SNX32: variants seen among roughly 807,000 people sequenced by gnomAD.
SNX32 encodes the protein sorting nexin-32.
Under a neutral mutation model 57.0 loss-of-function variants are expected in SNX32, and 58 were observed. The observed-to-expected ratio is 1.02, with a 90% CI of 0.82 to 1.27. The LOEUF (loss-of-function observed/expected upper bound fraction) is 1.27. Among genes scored for constraint, SNX32 ranks in the 50% most tolerant of loss-of-function variants. SNX32 has a pLI of 0.00. For missense variants in SNX32, 589 were observed against 541.2 expected (o/e 1.09, Z -0.88); for synonymous variants, 262 against 220.4 (o/e 1.19, Z -1.67).
chr11:65,844,382 T>C (rs1858929113), intron 1 of SNX32, among the ~76,000 whole-genome samples: 1 of 151,978 alleles, frequency 6.6e-6, no homozygotes, highest in Non-Finnish European at 1.5e-5. Context: ...TCCAGAGGAT[T>C]GCCTGAGCCC....
At chr11:65,839,684 G>A (rs1458213437) in intron 1 of SNX32, among the ~76,000 whole-genome samples, 1 of 147,806 alleles carries the variant, frequency 6.8e-6, no homozygotes, top group African/African-American at 2.5e-5. Flanking sequence ...TGTGAACCAT[G>A]ATCACACCAC....
intron 1 of SNX32, among the ~76,000 whole-genome samples, chr11:65,845,528 G>A (rs1186360328): frequency 1.3e-5 from 2 of 151,156 alleles, no homozygotes; most frequent in African/African-American, 4.9e-5. Context: ...CCTGAGGTCA[G>A]GAGTTTGAGA....
rs147615662 is a variant in SNX32, at chr11:65,851,148, C to T, written c.697C>T (p.Arg233Cys). 105 of 1,612,422 alleles carry T rather than the reference C, an allele frequency of 6.5e-5. No homozygotes were observed. In the African/African-American group the frequency reaches 1.0e-3, roughly 15 times the overall value. ...DACLRADRVM[R>C]AHKCLADDYI... ...CTGCCTGCGGGCCGACCGCGTCATGCGCGCCCACAAGTGTACGCAGGGCCC... is the reference window on the plus strand; with the variant it reads ...CTGCCTGCGGGCCGACCGCGTCATGTGCGCCCACAAGTGTACGCAGGGCCC... Residue 233 changes from arginine (R) to cysteine (C), a missense_variant, in exon 7 of 13, where the codon CGC becomes TGC. Transcript: ENST00000308342.
chr11:65,851,542 GA>G, intron 8 of SNX32, 97 bp from the exon 9 acceptor site: 1 of 1,544,316 alleles, frequency 6.5e-7, no homozygotes, highest in Non-Finnish European at 8.9e-7. Flanking sequence ...TGTTGGGAAG[GA>G]AAGGGGAGAG....
Position 65,850,540 on chromosome 11 carries a change from G to T in SNX32, c.484G>T (p.Glu162Ter), listed in dbSNP as rs777555070. The change falls in exon 5 of 13, where the codon GAA becomes TAA. Residue 162 changes from glutamate (E) to a stop codon, truncating the protein, a stop_gained. Transcript: ENST00000308342. LOFTEE classifies it high-confidence loss of function. ...AGACCACAACTTCTTTGTGTTTTTG[G>T]AATATGGACAGGATGTGAGCTGGGC... ...RRDHNFFVFL[E>*]YGQDLSVRGK... 20 of 1,610,218 alleles carry T rather than the reference G, an allele frequency of 1.2e-5. No individual in the cohort carries two copies. The South Asian group carries it at 2.1e-4, about 17-fold the overall frequency.
Position 65,853,340 on chromosome 11 carries a change from G to C in SNX32, c.*5G>C. On this transcript the variant is annotated 3_prime_UTR_variant, in exon 13 of 13. Coordinates refer to ENST00000308342, the MANE Select transcript of SNX32 (RefSeq NM_152760.3). ...GCCCTAAAGGGGGAGCCTTAGAGTA[G>C]CCAGAGCTCAGCCAGACCCTAATCT... The C allele has an allele frequency of 4.3e-6, 7 of 1,613,982 alleles. No homozygotes were observed. The highest frequency in any genetic ancestry group is 5.9e-6 in the Non-Finnish European group (7 of 1,179,966).
Position 65,850,571 on chromosome 11 carries a change from C to A in SNX32, c.498+17C>A, listed in dbSNP as rs1307997792. The A allele has an allele frequency of 6.3e-7, 1 of 1,593,958 alleles. No individual in the cohort carries two copies. The highest frequency in any genetic ancestry group is 1.8e-5 in the Admixed American group (1 of 56,238). ...GGACAGGATGTGAGCTGGGCCGAAT[C>A]CCTGGGGTCACCCTTGGGCCAGGAG... On this transcript the variant is annotated intron_variant, in intron 5 of 12. Transcript: ENST00000308342.
At chr11:65,841,973 A>G (rs945115334) in intron 1 of SNX32, among the ~76,000 whole-genome samples, 6 of 152,216 alleles carry the variant, frequency 3.9e-5, no homozygotes, top group African/African-American at 9.6e-5. Flanking sequence ...TATATTTGAT[A>G]TAATCACAAT....
At chr11:65,846,270 C>CA (rs1325206142) in intron 1 of SNX32, among the ~76,000 whole-genome samples, 6 of 145,772 alleles carry the variant, frequency 4.1e-5, no homozygotes, top group East Asian at 4.1e-4. Flanking sequence ...GACTTCGTCT[C>CA]AAAAAAAAGA....
At position 65,849,473 on chromosome 11, in the gene SNX32, C is replaced by G. The variant is rs781364958; in HGVS notation, c.37-5C>G. The G allele has an allele frequency of 1.3e-5, 21 of 1,605,126 alleles. No individual in the cohort carries two copies. In the Admixed American group the frequency reaches 3.5e-4, roughly 27 times the overall value. On this transcript the variant is annotated splice_polypyrimidine_tract_variant and splice_region_variant and intron_variant, in intron 1 of 12. Transcript: ENST00000308342. ...GCCAGGCCAGAGACCTCCCCTCCTC[C>G]GCAGCCTTCCTGTGCATCGGTGGAT... is the stretch of plus-strand genomic sequence containing the variant.
In SNX32 at chr11:65,852,858, TC is replaced by T; in HGVS notation, c.1073-11del. ...GCCCTGCCCGGATCCCCATGCCTCTTCCCCTCCTCTCCAGAGCTCATGGACT... is the reference window on the plus strand; with the variant it reads ...GCCCTGCCCGGATCCCCATGCCTCTTCCCTCCTCTCCAGAGCTCATGGACT... On this transcript the variant is annotated splice_polypyrimidine_tract_variant and intron_variant, in intron 11 of 12. Coordinates refer to ENST00000308342, the MANE Select transcript of SNX32 (RefSeq NM_152760.3). The T allele has an allele frequency of 1.2e-6, 2 of 1,613,848 alleles. No homozygotes were observed. Among genetic ancestry groups the T allele is most frequent in the Non-Finnish European group, 1.7e-6 (2 of 1,179,898 alleles).
rs767246942 is a variant in SNX32 at position 65,852,641 on chromosome 11, C to A, written c.924C>A (p.Tyr308Ter). ...RDSQAAKDLL[Y>*]RRLRALADYE... ...GCCCATGGTCCTAGGACCTGCTGTA[C>A]CGGCGGCTGCGGGCACTGGCCGACT... Residue 308 changes from tyrosine (Y) to a stop codon, truncating the protein, a stop_gained, in exon 11 of 13, where the codon TAC becomes TAA. Coordinates refer to ENST00000308342, the MANE Select transcript of SNX32 (RefSeq NM_152760.3). LOFTEE classifies it high-confidence loss of function. 23 of 1,607,572 alleles carry A rather than the reference C, an allele frequency of 1.4e-5. No homozygotes were observed. The highest frequency in any genetic ancestry group is 2.7e-5 in the African/African-American group (2 of 74,816).
chr11:65,846,360 A>G (rs1472312795), intron 1 of SNX32, among the ~76,000 whole-genome samples: 1 of 151,990 alleles, frequency 6.6e-6, no homozygotes, highest in Non-Finnish European at 1.5e-5. Flanking sequence ...ACCTGAGGTC[A>G]GGAGTTCCAG....
At chr11:65,847,907 CAA>C (rs112552000) in intron 1 of SNX32, among the ~76,000 whole-genome samples, 21 of 124,894 alleles carry the variant, frequency 1.7e-4, no homozygotes, top group Admixed American at 6.5e-4. Context: ...AAGATGCTAT[CAA>C]AAAAAAAAAA....
rs780410331 is a variant in SNX32, at chr11:65,851,165, G to A, written c.709+5G>A. 15 of 1,611,594 alleles carry A rather than the reference G, an allele frequency of 9.3e-6. No individual in the cohort carries two copies. Among genetic ancestry groups the A allele is most frequent in the Admixed American group, 8.3e-5 (5 of 60,006 alleles). ...GCGTCATGCGCGCCCACAAGTGTAC[G>A]CAGGGCCCAAGGGGTCCTGGATCCC... On this transcript the variant is annotated splice_donor_5th_base_variant and intron_variant, in intron 7 of 12. Coordinates refer to ENST00000308342, the MANE Select transcript of SNX32 (RefSeq NM_152760.3).
intron 1 of SNX32, among the ~76,000 whole-genome samples, chr11:65,843,503 G>A (rs2134692895): frequency 6.6e-6 from 1 of 150,914 alleles, no homozygotes; most frequent in Non-Finnish European, 1.5e-5. Context: ...GGAGGCGGAG[G>A]TTGCAATGAG....
chr11:65,848,712 G>A (rs1859071240), intron 1 of SNX32, among the ~76,000 whole-genome samples: 1 of 152,170 alleles, frequency 6.6e-6, no homozygotes, highest in Non-Finnish European at 1.5e-5. Flanking sequence ...TAAATGGAAT[G>A]GTTTTGGCAA....
At position 65,850,741 on chromosome 11, in the gene SNX32, T is replaced by C. The variant is rs762233600; in HGVS notation, c.499-10T>C. On this transcript the variant is annotated splice_polypyrimidine_tract_variant and intron_variant, in intron 5 of 12. Coordinates refer to ENST00000308342, the MANE Select transcript of SNX32 (RefSeq NM_152760.3). ...CCACCCCAGCATCATACCCTCCCTGTGTGCCTCAGCTGAGTGTCCGGGGGA... is the reference window on the plus strand; with the variant it reads ...CCACCCCAGCATCATACCCTCCCTGCGTGCCTCAGCTGAGTGTCCGGGGGA... 1.2e-6 allele frequency: 2 copies of C among 1,613,186 alleles called. No individual in the cohort carries two copies. The highest frequency in any genetic ancestry group is 1.7e-5 in the Admixed American group (1 of 59,974).
In SNX32 at chr11:65,849,512, G is replaced by C; in HGVS notation, c.71G>C (p.Ser24Thr). The stretch of plus-strand genomic sequence containing the variant: ...GCATCGGTGGATCTGCAGGGAGACA[G>C]CTCCTTACAGGTGGAGATTTCTGAC... ...SCASVDLQGD[S>T]SLQVEISDAV... The change falls in exon 2 of 13, where the codon AGC becomes ACC. Residue 24 changes from serine (S) to threonine (T), a missense_variant. Transcript: ENST00000308342. 1 of 1,613,842 alleles carries C rather than the reference G, an allele frequency of 6.2e-7. No homozygotes were observed.
Sources: gnomAD v4.1 joint callset for allele counts (sites outside exome capture counted in the v4.1 genomes callset) on GRCh38, gnomAD v4.1.1 for gene constraint, MANE v1.5 for transcripts, NCBI Gene and HGNC (gene_info 2026-07-23, HGNC 2026-07-21) for gene names.